The following LRGUK variants were observed in gnomAD, a reference collection of about 807,000 sequenced individuals.
LRGUK encodes leucine-rich repeat and guanylate kinase domain-containing protein.
Under a neutral mutation model 76.0 loss-of-function variants are expected in LRGUK, and 65 were observed. The observed-to-expected ratio is 0.85, with a 90% CI of 0.70 to 1.05. The LOEUF (loss-of-function observed/expected upper bound fraction) is 1.05. Ranked by LOEUF, LRGUK falls within the 50% of genes least tolerant of loss-of-function variation. The probability of loss-of-function intolerance (pLI) is 0.00; values close to 1 mark genes in which losing one functional copy is unlikely to be tolerated. For synonymous variants in LRGUK, 268 were observed against 265.6 expected (o/e 1.01, Z -0.09); for missense variants, 758 against 732.8 (o/e 1.03, Z -0.40).
At chr7:134,146,763 T>C (rs1250620684) in intron 4 of LRGUK, among the ~76,000 whole-genome samples, 1 of 152,188 alleles carries the variant, frequency 6.6e-6, no homozygotes, top group Non-Finnish European at 1.5e-5. Context: ...GGGTTTAGTA[T>C]TTAATGTGTT....
At chr7:134,144,327 C>T (rs934882616) in intron 4 of LRGUK, among the ~76,000 whole-genome samples, 3 of 152,088 alleles carry the variant, frequency 2.0e-5, no homozygotes, top group South Asian at 2.1e-4. Flanking sequence ...TTTGTAGAGG[C>T]GGGGTTTCAC....
chr7:134,177,245 G>A (rs1799522052), intron 9 of LRGUK, among the ~76,000 whole-genome samples, 182 bp downstream of exon 9: 1 of 152,164 alleles, frequency 6.6e-6, no homozygotes, highest in African/African-American at 2.4e-5. Flanking sequence ...GCAAAGGTGA[G>A]TATCAACACA....
intron 18 of LRGUK, among the ~76,000 whole-genome samples, chr7:134,250,626 A>T (rs1254536520): frequency 6.6e-6 from 1 of 152,156 alleles, no homozygotes; most frequent in Non-Finnish European, 1.5e-5. Flanking sequence ...GATGATGAAA[A>T]ATAGCTGTCC....
chr7:134,245,476 T>G (rs931908080), intron 16 of LRGUK, among the ~76,000 whole-genome samples: 2 of 152,188 alleles, frequency 1.3e-5, no homozygotes, highest in African/African-American at 4.8e-5. Flanking sequence ...ACTGATACCA[T>G]GCAGGTGTTG....
chr7:134,142,376 C>T (rs541423984), intron 3 of LRGUK, among the ~76,000 whole-genome samples: 1 of 152,292 alleles, frequency 6.6e-6, no homozygotes, highest in African/African-American at 2.4e-5. Flanking sequence ...TAGTTCATAT[C>T]TTTTATCTTT....
chr7:134,161,714 G>A (rs368688156), intron 6 of LRGUK, among the ~76,000 whole-genome samples: 8 of 141,780 alleles, frequency 5.6e-5, no homozygotes, highest in East Asian at 2.1e-4. Flanking sequence ...TTTTTGAGAC[G>A]GAGTCTCGCT....
At position 134,127,400 on chromosome 7, in the gene LRGUK, C is replaced by G. The variant is rs534979446; in HGVS notation, c.33C>G (p.Thr11=). The change falls in exon 1 of 16, where the codon ACC becomes ACG. Residue 11 remains threonine, a synonymous_variant. Coordinates refer to ENST00000645682, the Ensembl canonical transcript of LRGUK. ...CCTCCGAGAGGGCTCTCCTGAGGAC[C>G]AGAGCTGCCTCTCTCCTGAGAGGCT... The G allele has an allele frequency of 6.2e-6, 10 of 1,613,728 alleles. No individual in the cohort carries two copies. In the African/African-American group the frequency reaches 1.3e-4, roughly 22 times the overall value.
intron 18 of LRGUK, among the ~76,000 whole-genome samples, chr7:134,256,303 C>CA (rs989294398): frequency 2.9e-4 from 44 of 151,790 alleles, no homozygotes; most frequent in African/African-American, 1.1e-3. Context: ...ACTAAAAATA[C>CA]AAAAAATTAG....
In LRGUK at chr7:134,174,479, C is replaced by T. The variant is rs893741002; in HGVS notation, c.940-77C>T. On this transcript the variant is annotated intron_variant, in intron 7 of 15. Transcript: ENST00000645682. ...ATAAGTTGAATTTAAAGGACCCAAA[C>T]TGGCTTCTATTGTATTATGTTTTCT... The T allele has an allele frequency of 4.6e-6, 4 of 876,240 alleles. No homozygotes were observed. In the African/African-American group the frequency reaches 6.8e-5, roughly 15 times the overall value. 54.3% of individuals were successfully genotyped at this position (876,240 alleles called of 1,614,324 possible).
chr7:134,199,983 T>TATAC (rs1491455299), intron 14 of LRGUK, among the ~76,000 whole-genome samples: 9 of 5,156 alleles, frequency 1.7e-3, no homozygotes, highest in African/African-American at 5.9e-3. Context: ...TAGAAACTTT[T>TATAC]ATATATATAT....
the LRGUK span, among the ~76,000 whole-genome samples, chr7:134,271,938 A>G: frequency 1.3e-5 from 2 of 152,138 alleles, no homozygotes; most frequent in African/African-American, 4.8e-5. Flanking sequence ...CAGGATTTCT[A>G]TGCAGATAGT....
At chr7:134,271,663 C>CT in the LRGUK span, among the ~76,000 whole-genome samples, 1 of 151,842 alleles carries the variant, frequency 6.6e-6, no homozygotes, top group Non-Finnish European at 1.5e-5. Context: ...GGAGGTTTCT[C>CT]TTTTTTTATG....
chr7:134,252,044 G>A (rs1802460003), intron 18 of LRGUK, among the ~76,000 whole-genome samples: 1 of 152,014 alleles, frequency 6.6e-6, no homozygotes, highest in South Asian at 2.1e-4. Context: ...CTGTATAAAG[G>A]GAGCCTAGGC....
intron 16 of LRGUK, among the ~76,000 whole-genome samples, chr7:134,233,410 A>T (rs1047158626): frequency 1.3e-5 from 2 of 152,212 alleles, no homozygotes; most frequent in Non-Finnish European, 2.9e-5. Context: ...CAGAAAGAAA[A>T]ATTGCTGAAT....
At chr7:134,226,695 G>A (rs1801772588) in intron 16 of LRGUK, among the ~76,000 whole-genome samples, 1 of 152,220 alleles carries the variant, frequency 6.6e-6, no homozygotes. Flanking sequence ...TACCTGCTAT[G>A]AGATGCCATT....
intron 10 of LRGUK, among the ~76,000 whole-genome samples, chr7:134,182,773 A>AT (rs897147173): frequency 1.3e-5 from 2 of 152,090 alleles, no homozygotes; most frequent in African/African-American, 4.8e-5. Flanking sequence ...GATGATGATG[A>AT]TTTTTTTGAG....
chr7:134,131,002 T>C (rs1797276185), intron 1 of LRGUK, among the ~76,000 whole-genome samples: 1 of 152,238 alleles, frequency 6.6e-6, no homozygotes, highest in African/African-American at 2.4e-5. Context: ...GTAACTTACA[T>C]GTTTTCGTCT....
intron 3 of LRGUK, among the ~76,000 whole-genome samples, chr7:134,140,459 C>G (rs753504410): frequency 6.6e-6 from 1 of 152,096 alleles, no homozygotes; most frequent in Non-Finnish European, 1.5e-5. Flanking sequence ...TGAAATTAGT[C>G]CTACCATTGT....
In LRGUK at chr7:134,127,456, TAC is replaced by T; in HGVS notation, c.91_92del (p.Gln31ValfsTer24). The T allele has an allele frequency of 6.2e-7, 1 of 1,613,710 alleles. No homozygotes were observed. Among genetic ancestry groups the T allele is most frequent in the South Asian group, 1.1e-5 (1 of 91,080 alleles). ...AGATCCCGAACTGGAGCCCGATCGT[TAC>T]AGTTTCGCGCAGAAAAAGAGCGTCA... On this transcript the variant is annotated frameshift_variant, in exon 1 of 16. Transcript: ENST00000645682. LOFTEE classifies it high-confidence loss of function.
Sources: gnomAD v4.1 joint callset for allele counts (sites outside exome capture counted in the v4.1 genomes callset) on GRCh38, gnomAD v4.1.1 for gene constraint, MANE v1.5 for transcripts, NCBI Gene and HGNC (gene_info 2026-07-23, HGNC 2026-07-21) for gene names.